CADPS2: variants seen among roughly 807,000 people sequenced by gnomAD.
The protein encoded by CADPS2 is calcium dependent secretion activator 2.
A neutral mutation model predicts 172.5 loss-of-function variants in CADPS2; 93 were observed. The observed-to-expected ratio is 0.54, with a 90% CI of 0.46 to 0.64. CADPS2 has a LOEUF of 0.64. CADPS2 is among the 30% of genes least tolerant of loss of function. CADPS2 has a pLI of 0.00. For synonymous variants in CADPS2, 546 were observed against 555.2 expected (o/e 0.98, Z 0.23); for missense variants, 1,420 against 1,565.9 (o/e 0.91, Z 1.57).
chr7:122,624,820 C>T (rs950616786), intron 4 of CADPS2, among the ~76,000 whole-genome samples: 3 of 152,268 alleles, frequency 2.0e-5, no homozygotes, highest in African/African-American at 7.2e-5. Flanking sequence ...CTGCTCCAAG[C>T]CCCTGGATAG....
At chr7:122,534,888 C>T (rs1293870098) in intron 8 of CADPS2, among the ~76,000 whole-genome samples, 1 of 152,002 alleles carries the variant, frequency 6.6e-6, no homozygotes, top group Non-Finnish European at 1.5e-5. Flanking sequence ...ATTAGCAGAA[C>T]CTCTAAATTA....
intron 1 of CADPS2, among the ~76,000 whole-genome samples, chr7:122,860,870 C>T (rs1212667282): frequency 1.3e-5 from 2 of 152,122 alleles, no homozygotes; most frequent in African/African-American, 4.8e-5. Context: ...CTTAACATAA[C>T]ATCCTCTAGG....
chr7:122,841,358 C>T (rs1293870401), intron 1 of CADPS2, among the ~76,000 whole-genome samples: 1 of 151,814 alleles, frequency 6.6e-6, no homozygotes, highest in Admixed American at 6.6e-5. Flanking sequence ...AAAGTAGGAG[C>T]CCCAGAAAAA....
At chr7:122,645,514 T>TATATATATATATATATA (rs2078376859) in intron 3 of CADPS2, among the ~76,000 whole-genome samples, 1 of 112,196 alleles carries the variant, frequency 8.9e-6, no homozygotes, top group South Asian at 2.6e-4. Context: ...ATATATATAC[T>TATATATATATATATATA]TATATATATA....
At chr7:122,597,063 G>A (rs2071920297) in intron 6 of CADPS2, among the ~76,000 whole-genome samples, 1 of 151,918 alleles carries the variant, frequency 6.6e-6, no homozygotes, top group African/African-American at 2.4e-5. Flanking sequence ...AGCTCTTGCA[G>A]CAAATAAAAG....
intron 12 of CADPS2, among the ~76,000 whole-genome samples, chr7:122,477,206 A>T (rs1430112450): frequency 1.3e-5 from 2 of 152,160 alleles, no homozygotes. Context: ...CAATGTATAC[A>T]AGTGTTTATA....
intron 28 of CADPS2, among the ~76,000 whole-genome samples, chr7:122,344,709 C>T (rs2037308898): frequency 6.6e-6 from 1 of 152,104 alleles, no homozygotes; most frequent in African/African-American, 2.4e-5. Flanking sequence ...TCCATTAGAA[C>T]ATGATTCTGT....
chr7:122,544,867 C>T (rs4731061), intron 8 of CADPS2, among the ~76,000 whole-genome samples: 86,412 of 151,994 alleles, frequency 0.57, 24,564 homozygotes, highest in African/African-American at 0.6. Flanking sequence ...ACCTACCATA[C>T]GTACAAATAA....
chr7:122,574,693 G>T (rs1315561486), intron 7 of CADPS2, among the ~76,000 whole-genome samples: 1 of 151,394 alleles, frequency 6.6e-6, no homozygotes, highest in Non-Finnish European at 1.5e-5. Context: ...AAAGGAAAAG[G>T]AAGATAGTAA....
rs182001067 is a variant in CADPS2 at position 122,609,996 on chromosome 7, C to A, written c.1223+5185G>T. Reference sequence around the variant, plus strand: ...GCAGTTGGTTAGCATTCATGAGATACCTTTTTAAGGTAATCTGCCCCTGGG... The same window carrying A: ...GCAGTTGGTTAGCATTCATGAGATAACTTTTTAAGGTAATCTGCCCCTGGG... On this transcript the variant is annotated intron_variant, in intron 6 of 29. Transcript: ENST00000449022. Among the ~76,000 whole-genome samples the A allele has an allele frequency of 4.2e-3, 634 of 152,124 alleles. 2 individuals are homozygous for A. Among genetic ancestry groups the A allele is most frequent in the African/African-American group, 0.015 (616 of 41,502 alleles).
In CADPS2 at chr7:122,319,862, T is replaced by TAA; in HGVS notation, c.*301_*302dup. 2 of 240,092 alleles carry TAA rather than the reference T, an allele frequency of 8.3e-6. No homozygotes were observed. Among genetic ancestry groups the TAA allele is most frequent in the Non-Finnish European group, 1.6e-5 (2 of 127,212 alleles). The allele number at this position is 240,092 out of a possible 1,614,324, so 14.9% of individuals were successfully genotyped here. A position where few individuals can be genotyped will look rare whatever the true frequency, so the allele number is the denominator to read the frequency against. ...TACAGAAAAATGCTCAAATCTTCTT[T>TAA]AAAAAAAAAAGTTCATGTTCTGATC... On this transcript the variant is annotated 3_prime_UTR_variant, in exon 30 of 30. Coordinates refer to ENST00000449022, the MANE Select transcript of CADPS2 (RefSeq NM_017954.11).
At chr7:122,605,128 A>C (rs1281021408) in intron 6 of CADPS2, among the ~76,000 whole-genome samples, 1 of 152,146 alleles carries the variant, frequency 6.6e-6, no homozygotes. Flanking sequence ...ATATGGTATA[A>C]ACAATACAAA....
chr7:122,871,394 A>G (rs1819709636), intron 1 of CADPS2, among the ~76,000 whole-genome samples: 2 of 151,964 alleles, frequency 1.3e-5, no homozygotes, highest in African/African-American at 2.4e-5. Flanking sequence ...TATCACTGAC[A>G]ATTTTTAATT....
intron 2 of CADPS2, among the ~76,000 whole-genome samples, chr7:122,712,191 C>A (rs530785912): frequency 1.3e-5 from 2 of 152,086 alleles, no homozygotes; most frequent in Non-Finnish European, 1.5e-5. Flanking sequence ...ATCTTTACCT[C>A]TCAAATTATA....
At chr7:122,878,905 C>T (rs1221219693) in intron 1 of CADPS2, among the ~76,000 whole-genome samples, 3 of 151,966 alleles carry the variant, frequency 2.0e-5, no homozygotes, top group African/African-American at 7.3e-5. Context: ...TTAAATTGGG[C>T]CATAACACTT....
Position 122,886,110 on chromosome 7 carries a change from G to A in CADPS2, c.228C>T (p.Asp76=). ...EGRDEPQRQL[D]DEQERRIRLQ... ...GGCGGATCCTCCGCTCCTGCTCATC[G>A]TCCAGCTGCCGCTGGGGCTCGTCTC... The change falls in exon 1 of 30, where the codon GAC becomes GAT. Residue 76 remains aspartate, a synonymous_variant. Coordinates refer to ENST00000449022, the MANE Select transcript of CADPS2 (RefSeq NM_017954.11). 1.9e-6 allele frequency: 3 copies of A among 1,568,810 alleles called. No homozygotes were observed. Among genetic ancestry groups the A allele is most frequent in the Middle Eastern group, 1.9e-4 (1 of 5,370 alleles).
At position 122,702,297 on chromosome 7, in the gene CADPS2, C is replaced by T. The variant is rs200865337; in HGVS notation, c.453+34658G>A. ...CCTTTCAGGTTGCTTATCATCACCG[C>T]GACTATATTTTCCGTCCCCTGGTGA... is the stretch of plus-strand genomic sequence containing the variant. On this transcript the variant is annotated intron_variant, in intron 2 of 29. Coordinates refer to ENST00000449022, the MANE Select transcript of CADPS2 (RefSeq NM_017954.11). 2.2e-5 allele frequency: 35 copies of T among 1,613,782 alleles called. No homozygotes were observed. The Admixed American group carries it at 3.5e-4, about 16-fold the overall frequency.
At chr7:122,727,873 T>C (rs1380701450) in intron 2 of CADPS2, among the ~76,000 whole-genome samples, 1 of 151,940 alleles carries the variant, frequency 6.6e-6, no homozygotes, top group African/African-American at 2.4e-5. Context: ...AACACAATGG[T>C]TAATATCAAA....
chr7:122,762,220 GAAAAT>G (rs2093412825), intron 1 of CADPS2, among the ~76,000 whole-genome samples: 1 of 151,710 alleles, frequency 6.6e-6, no homozygotes, highest in Admixed American at 6.6e-5. Context: ...AGAAGACAGA[GAAAAT>G]AAAAGTGAAG....
Sources: gnomAD v4.1 joint callset for allele counts (sites outside exome capture counted in the v4.1 genomes callset) on GRCh38, gnomAD v4.1.1 for gene constraint, MANE v1.5 for transcripts, NCBI Gene and HGNC (gene_info 2026-07-23, HGNC 2026-07-21) for gene names.